The following DHX37 variants were observed in gnomAD, a reference collection of about 807,000 sequenced individuals.
The protein encoded by DHX37 is DEAH-box helicase 37.
A neutral mutation model predicts 134.3 loss-of-function variants in DHX37; 52 were observed. The observed-to-expected ratio is 0.39, with a 90% CI of 0.31 to 0.49. The LOEUF is 0.49. Among genes scored for constraint, DHX37 ranks in the 20% least tolerant of loss-of-function variants. DHX37 has a pLI of 0.93. For missense variants in DHX37, 1,344 were observed against 1,580.8 expected (o/e 0.85, Z 2.54); for synonymous variants, 634 against 670.7 (o/e 0.95, Z 0.85).
In DHX37 at chr12:124,953,932, C is replaced by T. The variant is rs149024756; in HGVS notation, c.2643G>A (p.Arg881=). ...TPQFCEANGL[R]YKAMMEIRRL... is the part of the protein sequence containing the mutation. ...GCCGGATCTCCATCATGGCTTTGTA[C>T]CGCAGCCCGTTGGCTTCGCAAAACT... Residue 881 remains arginine, a synonymous_variant, in exon 20 of 27, where the codon CGG becomes CGA. Coordinates refer to ENST00000308736, the MANE Select transcript of DHX37 (RefSeq NM_032656.4). 3.7e-6 allele frequency: 6 copies of T among 1,613,084 alleles called. No homozygotes were observed. The highest frequency in any genetic ancestry group is 5.1e-6 in the Non-Finnish European group (6 of 1,179,822).
chr12:124,986,196 G>A lies in DHX37; in HGVS notation c.176C>T (p.Thr59Ile), dbSNP rs1297900998. 3 of 1,614,170 alleles carry A rather than the reference G, an allele frequency of 1.9e-6. No homozygotes were observed. Among genetic ancestry groups the A allele is most frequent in the Non-Finnish European group, 1.7e-6 (2 of 1,180,034 alleles). ...CTTCTTCGACAGGGGAGGGGCTTTG[G>A]TCTTCTTTTTCTTCTTCCCCGGTAG... ...LVLPGKKKKKTKAPPLSKKEK... is the reference protein window; with the variant it reads ...LVLPGKKKKKIKAPPLSKKEK... Residue 59 changes from threonine (T) to isoleucine (I), a missense_variant, in exon 2 of 27, where the codon ACC becomes ATC. By Grantham distance (89) the Thr-to-Ile change is moderately conservative. Coordinates refer to ENST00000308736, the MANE Select transcript of DHX37 (RefSeq NM_032656.4).
chr12:124,950,326 C>G, intron 23 of DHX37, 83 bp from the exon 24 acceptor site: 1 of 1,602,772 alleles, frequency 6.2e-7, no homozygotes, highest in Non-Finnish European at 8.5e-7. Context: ...GAGACACACA[C>G]GTCCGGGGGC....
At chr12:124,972,407 A>G in intron 7 of DHX37, 96 bp downstream of exon 7, 1 of 1,276,208 alleles carries the variant, frequency 7.8e-7, no homozygotes, top group Non-Finnish European at 1.1e-6. Flanking sequence ...CTGGATCAAC[A>G]GGTGGCTTGC....
intron 8 of DHX37, 95 bp from the exon 9 acceptor site, chr12:124,969,063 G>A (rs1282290898): frequency 2.0e-5 from 24 of 1,212,614 alleles, no homozygotes; most frequent in Middle Eastern, 2.6e-4. Context: ...TGCCCACCCC[G>A]TTTCCAGCCC....
intron 16 of DHX37, among the ~76,000 whole-genome samples, chr12:124,957,908 T>C (rs1215075313): frequency 2.0e-5 from 3 of 152,194 alleles, no homozygotes; most frequent in African/African-American, 7.2e-5. Flanking sequence ...TGGACAATGA[T>C]TCAGCCGCGA....
chr12:124,973,720 C>G (rs1447947112), intron 6 of DHX37, among the ~76,000 whole-genome samples: 1 of 143,500 alleles, frequency 7.0e-6, no homozygotes, highest in Non-Finnish European at 1.5e-5. Flanking sequence ...CGGCTCATGG[C>G]AACCTCCGCC....
intron 20 of DHX37, 63 bp from the exon 21 acceptor site, chr12:124,952,633 C>T: frequency 2.0e-6 from 3 of 1,485,078 alleles, no homozygotes; most frequent in South Asian, 1.4e-5. Context: ...CTGCCCTGAC[C>T]TCCTAGAAAG....
rs1244794179 is a variant in DHX37 at position 124,965,633 on chromosome 12, A to G, written c.1735+35T>C. On this transcript the variant is annotated intron_variant, in intron 13 of 26. Coordinates refer to ENST00000308736, the MANE Select transcript of DHX37 (RefSeq NM_032656.4). ...TGGGCACATCCTCAGGGCAGAGATA[A>G]TGAACATGAGCAGGAATCGGTGCTC... 3.2e-6 allele frequency: 5 copies of G among 1,569,638 alleles called. No homozygotes were observed. In the South Asian group the frequency reaches 6.0e-5, roughly 19 times the overall value.
chr12:124,952,489 C>T lies in DHX37; in HGVS notation c.2777G>A (p.Arg926Gln), dbSNP rs770444887. ...PPTESQVTYL[R>Q]QIVTAGLGDH... is the part of the protein sequence containing the mutation. The stretch of plus-strand genomic sequence containing the variant: ...CCCCAGGCCTGCCGTCACGATCTGT[C>T]GCAGGTAGGTCACCTGGCTCTCGGT... Residue 926 changes from arginine (R) to glutamine (Q), a missense_variant, in exon 21 of 27, where the codon CGA becomes CAA. Coordinates refer to ENST00000308736, the MANE Select transcript of DHX37 (RefSeq NM_032656.4). The T allele has an allele frequency of 7.0e-5, 112 of 1,609,040 alleles. No individual in the cohort carries two copies. The highest frequency in any genetic ancestry group is 9.1e-5 in the Non-Finnish European group (107 of 1,176,876).
At chr12:124,961,179 T>TGCGC (rs1566331903) in intron 15 of DHX37, among the ~76,000 whole-genome samples, 1 of 113,390 alleles carries the variant, frequency 8.8e-6, no homozygotes, top group East Asian at 2.1e-4. Flanking sequence ...CACGCGCGCA[T>TGCGC]GCGCGCACGC....
At chr12:124,985,708 G>A (rs144495824) in intron 2 of DHX37, among the ~76,000 whole-genome samples, 3,579 of 149,678 alleles carry the variant, frequency 0.024, 124 homozygotes, top group African/African-American at 0.083. Context: ...ACTCCAGCCT[G>A]GGCAACAGAG....
chr12:124,977,512 A>G (rs1417860748), intron 4 of DHX37, 22 bp from the exon 5 acceptor site: 2 of 1,579,434 alleles, frequency 1.3e-6, no homozygotes, highest in Non-Finnish European at 1.7e-6. Context: ...GGAAGTCAGC[A>G]CTTAGGGAGC....
intron 11 of DHX37, 49 bp from the exon 12 acceptor site, chr12:124,966,927 C>T (rs769295554): frequency 3.5e-5 from 57 of 1,608,526 alleles, no homozygotes; most frequent in African/African-American, 9.4e-5. Flanking sequence ...CCGGCGTGGT[C>T]GCCAGCACAC....
intron 12 of DHX37, 68 bp downstream of exon 12, chr12:124,966,725 G>A: frequency 1.3e-6 from 2 of 1,501,674 alleles, no homozygotes; most frequent in Middle Eastern, 1.7e-4. Context: ...AGCCACATGG[G>A]GCTGGTAGCT....
intron 6 of DHX37, 112 bp from the exon 7 acceptor site, chr12:124,972,711 G>T: frequency 1.1e-6 from 1 of 943,312 alleles, no homozygotes; most frequent in Non-Finnish European, 1.7e-6. Context: ...GGCAGGGCCC[G>T]CTGGCAACCT....
In DHX37 at chr12:124,956,677, C is replaced by A; in HGVS notation, c.2453+14G>T. On this transcript the variant is annotated intron_variant, in intron 18 of 26. Coordinates refer to ENST00000308736, the MANE Select transcript of DHX37 (RefSeq NM_032656.4). ...CTGAGCTTGGCCCTGAGTGCCCAGC[C>A]GCCAACCTCGCACCTGTCCAGCTCC... 1 of 1,527,678 alleles carries A rather than the reference C, an allele frequency of 6.5e-7. No individual in the cohort carries two copies. Among genetic ancestry groups the A allele is most frequent in the Non-Finnish European group, 8.8e-7 (1 of 1,131,228 alleles). 94.6% of individuals were successfully genotyped at this position (1,527,678 alleles called of 1,614,324 possible). A position where few individuals can be genotyped will look rare whatever the true frequency, so the allele number is the denominator to read the frequency against.
intron 10 of DHX37, among the ~76,000 whole-genome samples, chr12:124,967,871 C>G (rs951634802): frequency 3.3e-5 from 5 of 152,032 alleles, no homozygotes; most frequent in African/African-American, 1.2e-4. Context: ...GAGTTCGAGA[C>G]CAGCCCGGCC....
intron 4 of DHX37, among the ~76,000 whole-genome samples, chr12:124,978,735 G>A (rs1475517415): frequency 2.0e-5 from 3 of 151,470 alleles, no homozygotes; most frequent in East Asian, 2.0e-4. Context: ...GACCAGCCTG[G>A]GCAACATAGC....
intron 15 of DHX37, among the ~76,000 whole-genome samples, chr12:124,963,193 T>TGCCACCC (rs1489372819): frequency 6.6e-6 from 1 of 152,188 alleles, no homozygotes; most frequent in Non-Finnish European, 1.5e-5. Flanking sequence ...TGCTGACACC[T>TGCCACCC]GCCACCCGGG....
Sources: allele counts gnomAD v4.1 joint callset (sites outside exome capture counted in the v4.1 genomes callset), GRCh38; gene constraint gnomAD v4.1.1; transcripts MANE v1.5; gene names NCBI Gene and HGNC (gene_info 2026-07-23, HGNC 2026-07-21).